Variants in AGBL1 observed in about 807,000 individuals in gnomAD.
The protein encoded by AGBL1 is cytosolic carboxypeptidase 4.
A neutral mutation model predicts 118.9 loss-of-function variants in AGBL1; 130 were observed. The observed-to-expected ratio is 1.09, with a 90% CI of 0.95 to 1.26. The LOEUF (loss-of-function observed/expected upper bound fraction) is 1.26. Among genes scored for constraint, AGBL1 ranks in the 50% most tolerant of loss-of-function variants. The pLI is 0.00. For missense variants in AGBL1, 1,584 were observed against 1,298.1 expected, an observed-to-expected ratio of 1.22 and a Z score of -3.38; for synonymous variants, 555 against 478.9, an observed-to-expected ratio of 1.16 and a Z score of -2.08.
chr15:86,313,018 GC>G (rs1199291362), intron 17 of AGBL1, among the ~76,000 whole-genome samples: 2 of 152,232 alleles, frequency 1.3e-5, no homozygotes, highest in Non-Finnish European at 2.9e-5. Context: ...ACTTTAAGCT[GC>G]TGGGGAAGCA....
chr15:86,842,217 TAA>T (rs35047574), intron 22 of AGBL1, among the ~76,000 whole-genome samples: 163 of 145,476 alleles, frequency 1.1e-3, no homozygotes, highest in Middle Eastern at 3.5e-3. Context: ...CCATCGATAT[TAA>T]AAAAAAAAAA....
At chr15:86,228,418 G>A (rs773705174) in intron 6 of AGBL1, among the ~76,000 whole-genome samples, 7 of 152,084 alleles carry the variant, frequency 4.6e-5, no homozygotes, top group South Asian at 2.1e-4. Flanking sequence ...CATTGTAATC[G>A]TTCTCTGTAA....
Position 86,224,924 on chromosome 15 carries a change from G to A in AGBL1, c.499G>A (p.Glu167Lys). 6.2e-7 allele frequency: 1 copy of A among 1,613,350 alleles called. No homozygotes were observed. Among genetic ancestry groups the A allele is most frequent in the Non-Finnish European group, 8.5e-7 (1 of 1,179,520 alleles). The change falls in exon 6 of 23, where the codon GAA becomes AAA. Residue 167 changes from glutamate (E) to lysine (K), a missense_variant. Physicochemically the swap from Glu to Lys is moderately conservative, Grantham distance 56. Coordinates refer to ENST00000614907, the MANE Select transcript of AGBL1 (RefSeq NM_001386094.1). ...KRTQAIRAAT[E>K]VLAALLKSKS... ...TTTCTCTTTCCCCAGGGCAGCCACT[G>A]AAGTTTTGGCAGCATTGCTGAAATC... is the stretch of plus-strand genomic sequence containing the variant.
chr15:86,837,288 G>A (rs539556705), intron 22 of AGBL1, among the ~76,000 whole-genome samples: 43 of 151,124 alleles, frequency 2.8e-4, no homozygotes, highest in Non-Finnish European at 3.5e-4. Context: ...AACCAAGGAC[G>A]TTCTAGTACC....
At chr15:86,758,966 C>CAAAACAAAAAAAA (rs2077982064) in intron 22 of AGBL1, among the ~76,000 whole-genome samples, 1 of 80,914 alleles carries the variant, frequency 1.2e-5, no homozygotes, top group Non-Finnish European at 2.5e-5. Flanking sequence ...GACACCCTGT[C>CAAAACAAAAAAAA]AAAAAAAAAA....
chr15:86,101,139 C>G (rs959706557), intron 1 of AGBL1, among the ~76,000 whole-genome samples: 12 of 151,944 alleles, frequency 7.9e-5, no homozygotes, highest in African/African-American at 2.9e-4. Flanking sequence ...CAATCAGGAT[C>G]ACGTTTAATT....
At chr15:87,012,703 GA>G (rs2081573685) in intron 24 of AGBL1, among the ~76,000 whole-genome samples, 1 of 151,806 alleles carries the variant, frequency 6.6e-6, no homozygotes, top group Non-Finnish European at 1.5e-5. Context: ...TAGTCAATAC[GA>G]AAAAAATTAT....
At position 86,487,013 on chromosome 15, in the gene AGBL1, G is replaced by A. The variant is rs138561494; in HGVS notation, c.2556-35797G>A. ...TCATTTCAGCCCATAGGTGTCCAACGGTGCCGCACGCTCCTTGCTATAAAA... is the reference window on the plus strand; with the variant it reads ...TCATTTCAGCCCATAGGTGTCCAACAGTGCCGCACGCTCCTTGCTATAAAA... On this transcript the variant is annotated intron_variant, in intron 18 of 22. Transcript: ENST00000614907. Among the ~76,000 whole-genome samples the A allele has an allele frequency of 8.4e-4, 128 of 152,094 alleles. 3 individuals carry two copies. The Middle Eastern group carries it at 0.014, about 16-fold the overall frequency.
At chr15:86,307,103 C>T (rs903109552) in intron 17 of AGBL1, among the ~76,000 whole-genome samples, 2 of 151,994 alleles carry the variant, frequency 1.3e-5, no homozygotes, top group African/African-American at 2.4e-5. Flanking sequence ...AATCTTAACT[C>T]TCTTGCCCCC....
At chr15:86,785,049 A>G (rs1054334231) in intron 22 of AGBL1, among the ~76,000 whole-genome samples, 1 of 152,184 alleles carries the variant, frequency 6.6e-6, no homozygotes, top group African/African-American at 2.4e-5. Flanking sequence ...TCTCGGGCAA[A>G]TTCTTACAAT....
intron 1 of AGBL1, among the ~76,000 whole-genome samples, chr15:86,092,540 G>T (rs117484347): frequency 0.011 from 1,676 of 152,264 alleles, 10 homozygotes; most frequent in East Asian, 0.024. Flanking sequence ...ATGGATTGAA[G>T]TCAAGAGAGG....
chr15:86,454,420 C>G (rs1381487951), intron 18 of AGBL1, among the ~76,000 whole-genome samples: 1 of 152,102 alleles, frequency 6.6e-6, no homozygotes, highest in East Asian at 1.9e-4. Flanking sequence ...ACTGTCTCCC[C>G]AAGAGCAATA....
chr15:86,800,005 C>G (rs1399066680), intron 22 of AGBL1, among the ~76,000 whole-genome samples: 1 of 151,970 alleles, frequency 6.6e-6, no homozygotes, highest in Non-Finnish European at 1.5e-5. Flanking sequence ...ATAGCAAGTC[C>G]CTTTTGAGAG....
At chr15:86,870,823 T>A (rs1464440171) in intron 22 of AGBL1, among the ~76,000 whole-genome samples, 1 of 152,228 alleles carries the variant, frequency 6.6e-6, no homozygotes, top group African/African-American at 2.4e-5. Flanking sequence ...AGATTACTAT[T>A]TCATCAAAGA....
chr15:86,580,625 G>A (rs2084160595), intron 21 of AGBL1, among the ~76,000 whole-genome samples: 1 of 151,932 alleles, frequency 6.6e-6, no homozygotes, highest in African/African-American at 2.4e-5. Flanking sequence ...AGTGATATTT[G>A]GATACATGTA....
chr15:86,366,529 T>A (rs925866102), intron 17 of AGBL1, among the ~76,000 whole-genome samples: 1 of 152,160 alleles, frequency 6.6e-6, no homozygotes, highest in Non-Finnish European at 1.5e-5. Context: ...CCAGGATCAA[T>A]ACTCTTAATC....
chr15:86,919,280 T>C (rs564573785), downstream of AGBL1, among the ~76,000 whole-genome samples: 8 of 152,338 alleles, frequency 5.3e-5, no homozygotes, highest in East Asian at 1.3e-3. Context: ...CTTGGTCCTC[T>C]ACCTTTTCCT....
intron 22 of AGBL1, among the ~76,000 whole-genome samples, chr15:86,824,078 A>G (rs2078975410): frequency 6.6e-6 from 1 of 152,102 alleles, no homozygotes; most frequent in Non-Finnish European, 1.5e-5. Flanking sequence ...CTCTAGCAAG[A>G]ACAAGAAAAA....
chr15:87,008,476 T>C (rs1230107628), intron 24 of AGBL1, among the ~76,000 whole-genome samples: 1 of 152,214 alleles, frequency 6.6e-6, no homozygotes, highest in Non-Finnish European at 1.5e-5. Context: ...AAACCTCTTT[T>C]TCTTTCCAGT....
Sources: allele counts gnomAD v4.1 joint callset (sites outside exome capture counted in the v4.1 genomes callset), GRCh38; gene constraint gnomAD v4.1.1; transcripts MANE v1.5; gene names NCBI Gene and HGNC (gene_info 2026-07-23, HGNC 2026-07-21).